NEBL: variants seen among roughly 807,000 people sequenced by gnomAD.
NEBL encodes LIM and SH3 protein 2.
Under a neutral mutation model 140.2 loss-of-function variants are expected in NEBL, and 122 were observed. The ratio of observed to expected loss-of-function variants is 0.87; its 90% CI spans 0.75 to 1.01. NEBL has a LOEUF of 1.01. NEBL is among the 50% of genes least tolerant of loss of function. NEBL has a pLI of 0.00. For missense variants in NEBL, 1,365 were observed against 1,231.3 expected (o/e 1.11, Z -1.62); for synonymous variants, 436 against 398.9 (o/e 1.09, Z -1.11).
intron 5 of NEBL, among the ~76,000 whole-genome samples, chr10:20,873,172 C>T (rs1845151987): frequency 6.6e-6 from 1 of 152,188 alleles, no homozygotes; most frequent in African/African-American, 2.4e-5. Flanking sequence ...AAATGTAACA[C>T]AGCAGAAGAG....
At chr10:21,151,378 C>T (rs933357843) in intron 2 of NEBL, among the ~76,000 whole-genome samples, 1 of 152,168 alleles carries the variant, frequency 6.6e-6, no homozygotes, top group African/African-American at 2.4e-5. Flanking sequence ...ATTTTAATGA[C>T]AAAATGCACT....
chr10:21,058,077 T>C (rs192486713), intron 2 of NEBL, among the ~76,000 whole-genome samples: 1 of 152,328 alleles, frequency 6.6e-6, no homozygotes, highest in Admixed American at 6.5e-5. Context: ...CAGCTCAGCA[T>C]GTTTTCTCAG....
chr10:20,917,533 C>T (rs181327359), intron 4 of NEBL, among the ~76,000 whole-genome samples: 204 of 152,298 alleles, frequency 1.3e-3, no homozygotes, highest in African/African-American at 4.5e-3. Flanking sequence ...TATTCACATG[C>T]TGGCCACACA....
At chr10:21,164,730 G>A (rs962955254) in intron 2 of NEBL, among the ~76,000 whole-genome samples, 3 of 152,146 alleles carry the variant, frequency 2.0e-5, no homozygotes, top group African/African-American at 4.8e-5. Flanking sequence ...TGTTGCCAAC[G>A]GTCCAATACG....
chr10:21,112,949 T>C, intron 2 of NEBL: 1 of 356,070 alleles, frequency 2.8e-6, no homozygotes, highest in Non-Finnish European at 5.4e-6. Flanking sequence ...TAAGTGTAAC[T>C]GGAAAGTGAT....
chr10:20,917,483 G>C (rs572708934), intron 4 of NEBL, among the ~76,000 whole-genome samples: 1 of 152,266 alleles, frequency 6.6e-6, no homozygotes, highest in South Asian at 2.1e-4. Context: ...CTGTTCAGGG[G>C]ATGTCTATTT....
chr10:20,995,725 G>T (rs1216980574), intron 3 of NEBL, among the ~76,000 whole-genome samples: 2 of 152,062 alleles, frequency 1.3e-5, no homozygotes, highest in African/African-American at 4.8e-5. Flanking sequence ...TACTTTCAGG[G>T]TTTATTCTTG....
rs1843303460 is a variant in NEBL at position 20,858,321 on chromosome 10, T to C, written c.822A>G (p.Gln274=). 2 of 1,606,506 alleles carry C rather than the reference T, an allele frequency of 1.2e-6. No homozygotes were observed. Among genetic ancestry groups the C allele is most frequent in the African/African-American group, 2.7e-5 (2 of 74,744 alleles). The change falls in exon 9 of 28, where the codon CAA becomes CAG. Residue 274 remains glutamine (Q), a synonymous_variant. Coordinates refer to ENST00000377122, the MANE Select transcript of NEBL (RefSeq NM_006393.3). The part of the protein sequence containing the change: ...ASNVKYKKDI[Q]NMHDPVSDLP... ...GATCTGAAACTGGATCATGCATATT[T>C]TGAATGTCTTTCTTGTACTTCACCT...
At chr10:21,101,138 G>A (rs1048825624) in intron 2 of NEBL, among the ~76,000 whole-genome samples, 6 of 152,168 alleles carry the variant, frequency 3.9e-5, no homozygotes, top group African/African-American at 1.4e-4. Flanking sequence ...CATGACTCAA[G>A]TCTCCCCTCT....
At chr10:21,126,273 C>T in intron 2 of NEBL, 1 of 699,384 alleles carries the variant, frequency 1.4e-6, no homozygotes, top group Non-Finnish European at 2.4e-6. Context: ...CTTTTGTAAG[C>T]CTCATTACAG....
At chr10:20,955,209 C>T (rs1482125537) in intron 4 of NEBL, among the ~76,000 whole-genome samples, 2 of 152,134 alleles carry the variant, frequency 1.3e-5, no homozygotes, top group African/African-American at 4.8e-5. Context: ...AGATATAAAA[C>T]ATAAATGGAA....
intron 4 of NEBL, among the ~76,000 whole-genome samples, chr10:20,933,638 G>T (rs1164677505): frequency 6.6e-6 from 1 of 152,182 alleles, no homozygotes; most frequent in Non-Finnish European, 1.5e-5. Context: ...GGAGGCTGAG[G>T]CAGAAGAATC....
chr10:20,832,202 G>A (rs963607029), intron 14 of NEBL, among the ~76,000 whole-genome samples: 1 of 152,136 alleles, frequency 6.6e-6, no homozygotes, highest in Non-Finnish European at 1.5e-5. Context: ...GGGATCTGCT[G>A]GACTCAATAA....
At chr10:20,914,376 A>C (rs886940334) in intron 4 of NEBL, among the ~76,000 whole-genome samples, 1 of 152,226 alleles carries the variant, frequency 6.6e-6, no homozygotes, top group African/African-American at 2.4e-5. Context: ...CACAGTTTAC[A>C]TGAAGTCCAG....
chr10:20,829,468 G>A (rs1283612657), intron 16 of NEBL, among the ~76,000 whole-genome samples: 4 of 151,632 alleles, frequency 2.6e-5, no homozygotes, highest in Non-Finnish European at 5.9e-5. Flanking sequence ...GATAGCATTA[G>A]GAGATATACC....
At chr10:20,811,808 G>A (rs142890577) in intron 24 of NEBL, among the ~76,000 whole-genome samples, 40 of 152,194 alleles carry the variant, frequency 2.6e-4, no homozygotes, top group African/African-American at 8.4e-4. Context: ...TTTAAGCTAC[G>A]TAACTACATA....
intron 3 of NEBL, among the ~76,000 whole-genome samples, chr10:21,192,499 A>AT (rs201383052): frequency 3.6e-4 from 53 of 148,094 alleles, no homozygotes; most frequent in Non-Finnish European, 5.5e-4. Flanking sequence ...GCCAATAGAC[A>AT]TTTTTTTTTA....
intron 3 of NEBL, among the ~76,000 whole-genome samples, chr10:21,241,632 G>A (rs12762419): frequency 0.29 from 43,756 of 151,936 alleles, 7,415 homozygotes; most frequent in African/African-American, 0.47. Context: ...GCTGAAAAAG[G>A]GAGAAAGACA....
In NEBL at chr10:20,806,916, A is replaced by G. The variant is rs547427464; in HGVS notation, c.2761+1594T>C. On this transcript the variant is annotated intron_variant, in intron 26 of 27. Transcript: ENST00000377122. ...GTAACATTAAATAAGGTTGATCAAC[A>G]TTAGTTCTTGTATTTGCTTTGGGTT... 5.9e-5 allele frequency among the ~76,000 whole-genome samples: 9 copies of G among 152,370 alleles called. No homozygotes were observed. The South Asian group carries it at 1.9e-3, about 32-fold the overall frequency.
Sources: gnomAD v4.1 joint callset for allele counts (sites outside exome capture counted in the v4.1 genomes callset) on GRCh38, gnomAD v4.1.1 for gene constraint, MANE v1.5 for transcripts, NCBI Gene and HGNC (gene_info 2026-07-23, HGNC 2026-07-21) for gene names.